The following DSCAM variants were observed in gnomAD, a reference collection of about 807,000 sequenced individuals.
The protein encoded by DSCAM is DS cell adhesion molecule.
In DSCAM, 47 loss-of-function variants were observed where a neutral mutation model predicts 217.7. The ratio of observed to expected loss-of-function variants is 0.22; its 90% CI spans 0.17 to 0.28. The LOEUF is 0.28. Among genes scored for constraint, DSCAM ranks in the 10% least tolerant of loss-of-function variants. The pLI, the probability that DSCAM is intolerant of heterozygous loss-of-function variation, is 1.00. For missense variants in DSCAM, 2,080 were observed against 2,618.3 expected (o/e 0.79, Z 4.49); for synonymous variants, 1,056 against 1,015.3 (o/e 1.04, Z -0.76).
At chr21:40,601,441 C>T (rs879506896) in intron 3 of DSCAM, among the ~76,000 whole-genome samples, 18 of 152,118 alleles carry the variant, frequency 1.2e-4, no homozygotes, top group Non-Finnish European at 2.2e-4. Context: ...AAATAGACTA[C>T]CATGTCATCT....
At chr21:40,335,076 C>T (rs2074416148) in intron 8 of DSCAM, among the ~76,000 whole-genome samples, 1 of 152,056 alleles carries the variant, frequency 6.6e-6, no homozygotes, top group Non-Finnish European at 1.5e-5. Flanking sequence ...TGTATCTCTT[C>T]CCTTTACCTA....
chr21:40,558,363 G>A (rs1029170025), intron 3 of DSCAM, among the ~76,000 whole-genome samples: 3 of 151,896 alleles, frequency 2.0e-5, no homozygotes, highest in Non-Finnish European at 4.4e-5. Flanking sequence ...CAGGAGAATG[G>A]CATGAACCTG....
chr21:40,342,622 G>GTA (rs2074505970), intron 6 of DSCAM, among the ~76,000 whole-genome samples: 1 of 81,634 alleles, frequency 1.2e-5, no homozygotes, highest in African/African-American at 6.7e-5. Context: ...GTGTGTGTGT[G>GTA]TGTGTATATA....
rs781757299 is a variant in DSCAM at position 40,124,242 on chromosome 21, C to T, written c.3649G>A (p.Gly1217Ser). ...VSWLPPLKLN[G>S]IIRKYTVFCS... Reference sequence around the variant, plus strand: ...AATACAGTGTACTTTCGGATGATGCCGTTCAGCTTGAGAGGGGGAAGCCAG... The same window carrying T: ...AATACAGTGTACTTTCGGATGATGCTGTTCAGCTTGAGAGGGGGAAGCCAG... Residue 1217 changes from glycine to serine, a missense_variant, in exon 20 of 33, where the codon GGC (glycine) becomes AGC (serine). Coordinates refer to ENST00000400454, the MANE Select transcript of DSCAM (RefSeq NM_001389.5). The T allele has an allele frequency of 2.5e-6, 4 of 1,613,898 alleles. No individual in the cohort carries two copies. Among genetic ancestry groups the T allele is most frequent in the East Asian group, 2.2e-5 (1 of 44,798 alleles).
intron 20 of DSCAM, among the ~76,000 whole-genome samples, chr21:40,103,369 CT>C (rs2146615293): frequency 6.6e-6 from 1 of 152,200 alleles, no homozygotes; most frequent in East Asian, 1.9e-4. Flanking sequence ...ATTGATAGCT[CT>C]TTTAATTATA....
intron 32 of DSCAM, among the ~76,000 whole-genome samples, chr21:40,017,966 C>T (rs1379546768): frequency 2.0e-5 from 3 of 152,232 alleles, no homozygotes; most frequent in Non-Finnish European, 4.4e-5. Context: ...GAGGCCTACC[C>T]ATTATAGACA....
chr21:40,646,696 T>C (rs1018443173), intron 3 of DSCAM, among the ~76,000 whole-genome samples: 5 of 152,156 alleles, frequency 3.3e-5, no homozygotes, highest in Non-Finnish European at 7.4e-5. Context: ...ATTAACATAT[T>C]AAGTAGAAAG....
At chr21:40,210,791 C>T (rs1238086907) in intron 11 of DSCAM, among the ~76,000 whole-genome samples, 1 of 152,198 alleles carries the variant, frequency 6.6e-6, no homozygotes, top group African/African-American at 2.4e-5. Context: ...GTGGTCCATC[C>T]TCCTCAGCCT....
At chr21:40,734,312 G>A (rs578165469) in intron 1 of DSCAM, among the ~76,000 whole-genome samples, 3 of 152,260 alleles carry the variant, frequency 2.0e-5, no homozygotes, top group African/African-American at 7.2e-5. Context: ...ATAAGAAAAG[G>A]GGCACGCTGC....
At chr21:40,227,377 A>G (rs937716594) in intron 11 of DSCAM, among the ~76,000 whole-genome samples, 1 of 152,208 alleles carries the variant, frequency 6.6e-6, no homozygotes, top group Non-Finnish European at 1.5e-5. Context: ...CAGGCATCTT[A>G]TGGCATGTTA....
chr21:40,392,577 G>C (rs1350837427), intron 3 of DSCAM, among the ~76,000 whole-genome samples: 1 of 152,192 alleles, frequency 6.6e-6, no homozygotes, highest in East Asian at 1.9e-4. Context: ...TAGAACACAA[G>C]TTCTTGTAAC....
intron 30 of DSCAM, among the ~76,000 whole-genome samples, chr21:40,051,521 ATC>A (rs1240524591): frequency 6.6e-6 from 1 of 152,192 alleles, no homozygotes; most frequent in African/African-American, 2.4e-5. Flanking sequence ...TGCATAATTT[ATC>A]TGAGGCTGCA....
chr21:40,364,599 A>G (rs1038338168), intron 4 of DSCAM, among the ~76,000 whole-genome samples: 2 of 151,676 alleles, frequency 1.3e-5, no homozygotes, highest in Non-Finnish European at 1.5e-5. Context: ...TAATGGGTGC[A>G]GCACACCAAC....
intron 3 of DSCAM, among the ~76,000 whole-genome samples, chr21:40,511,103 T>C (rs552153607): frequency 5.3e-5 from 8 of 152,216 alleles, no homozygotes; most frequent in Non-Finnish European, 8.8e-5. Context: ...TTGGATTTAT[T>C]TGGGAGAATA....
intron 16 of DSCAM, among the ~76,000 whole-genome samples, chr21:40,156,020 T>C (rs2146746810): frequency 1.3e-5 from 2 of 151,822 alleles, no homozygotes; most frequent in South Asian, 4.2e-4. Flanking sequence ...CTGTAGGTCC[T>C]TAAACTGGAA....
intron 9 of DSCAM, among the ~76,000 whole-genome samples, chr21:40,297,404 C>T (rs1461141700): frequency 2.0e-5 from 3 of 152,160 alleles, no homozygotes; most frequent in Admixed American, 6.5e-5. Context: ...TTCAGTGAGG[C>T]AGTCATAAAC....
intron 1 of DSCAM, among the ~76,000 whole-genome samples, chr21:40,819,418 A>G (rs1265844361): frequency 7.2e-6 from 1 of 139,816 alleles, no homozygotes; most frequent in Non-Finnish European, 1.6e-5. Flanking sequence ...TTTTCACCCT[A>G]TAAGATGTTG....
chr21:40,093,800 G>A lies in DSCAM; in HGVS notation c.3771C>T (p.Tyr1257=). Residue 1257 remains tyrosine, a synonymous_variant, in exon 21 of 33, where the codon TAC becomes TAT. Transcript: ENST00000400454. ...RIPNLSRNRQ[Y]SVWVVAVTSA... is the part of the protein sequence containing the mutation. Reference sequence around the variant, plus strand: ...AAGTAACAGCCACCACCCAGACGCTGTACTGACGATTCCTACTCAGGTTGG... The same window carrying A: ...AAGTAACAGCCACCACCCAGACGCTATACTGACGATTCCTACTCAGGTTGG... 1.9e-6 allele frequency: 3 copies of A among 1,614,084 alleles called. No homozygotes were observed. The highest frequency in any genetic ancestry group is 2.5e-6 in the Non-Finnish European group (3 of 1,180,018).
intron 3 of DSCAM, among the ~76,000 whole-genome samples, chr21:40,568,522 A>C (rs994760257): frequency 1.3e-5 from 2 of 152,178 alleles, no homozygotes; most frequent in Non-Finnish European, 2.9e-5. Context: ...TAAGGTATTT[A>C]TATGTGGAGA....
Sources: allele counts gnomAD v4.1 joint callset (sites outside exome capture counted in the v4.1 genomes callset), GRCh38; gene constraint gnomAD v4.1.1; transcripts MANE v1.5; gene names NCBI Gene and HGNC (gene_info 2026-07-23, HGNC 2026-07-21).